Variants in AXIN2 observed in about 807,000 individuals in gnomAD.
AXIN2 encodes axin 2, also known as axin-2.
In AXIN2, 21 loss-of-function variants were observed where a neutral mutation model predicts 74.7. The ratio of observed to expected loss-of-function variants is 0.28; its 90% confidence interval spans 0.20 to 0.40. The LOEUF (loss-of-function observed/expected upper bound fraction) is 0.40, where lower values mean the gene tolerates loss of function less well. Ranked by LOEUF, AXIN2 falls within the 10% of genes least tolerant of loss-of-function variation. AXIN2 has a pLI of 1.00. For missense variants in AXIN2, 1,144 were observed against 1,111.1 expected (o/e 1.03, Z -0.42); for synonymous variants, 532 against 454.9 (o/e 1.17, Z -2.16).
chr17:65,560,636 G>A (rs1403616030), intron 1 of AXIN2: 2 of 151,990 alleles, frequency 1.3e-5, no homozygotes, highest in Non-Finnish European at 2.9e-5. Flanking sequence ...CCGCGCTGGG[G>A]AGGGGGCTCC....
chr17:65,556,935 G>A (rs747766884), intron 2 of AXIN2, among the ~76,000 whole-genome samples: 2 of 152,200 alleles, frequency 1.3e-5, no homozygotes, highest in Admixed American at 6.5e-5. Context: ...GAAGTCGGGA[G>A]GAGGGGAGAA....
At chr17:65,541,049 G>C (rs2044034094) in intron 4 of AXIN2, among the ~76,000 whole-genome samples, 1 of 152,092 alleles carries the variant, frequency 6.6e-6, no homozygotes. Flanking sequence ...GCTAATTTTT[G>C]TATTTTTAGT....
In AXIN2 at chr17:65,558,641, T is replaced by G. The variant is rs1057521426; in HGVS notation, c.-21A>C. The G allele has an allele frequency of 6.3e-7, 1 of 1,599,012 alleles. No individual in the cohort carries two copies. The highest frequency in any genetic ancestry group is 1.3e-5 in the African/African-American group (1 of 74,848). ...CTCATGGTGAGGGAGCTCTTCCCAC[T>G]GAGTCTGGGAATTTTTCTTCTTCCA... On this transcript the variant is annotated 5_prime_UTR_variant, in exon 2 of 11. Transcript: ENST00000307078.
At chr17:65,539,170 C>T (rs1016966644) in intron 4 of AXIN2, among the ~76,000 whole-genome samples, 2 of 152,048 alleles carry the variant, frequency 1.3e-5, no homozygotes, top group African/African-American at 4.8e-5. Flanking sequence ...TTCCTGTCAT[C>T]TCGCTCCCCC....
At chr17:65,538,161 AC>A (rs771831650) in intron 5 of AXIN2, 41 bp downstream of exon 5, 4 of 1,613,682 alleles carry the variant, frequency 2.5e-6, no homozygotes, top group Admixed American at 3.3e-5. Context: ...ACGAGCGCTC[AC>A]GCCGTGGACG....
chr17:65,530,526 T>C (rs764532875), intron 10 of AXIN2, among the ~76,000 whole-genome samples: 9 of 152,148 alleles, frequency 5.9e-5, no homozygotes, highest in Non-Finnish European at 1.0e-4. Flanking sequence ...CTCCAGACTA[T>C]CTCCAGGTTC....
At chr17:65,550,617 G>A (rs1273301844) in intron 2 of AXIN2, among the ~76,000 whole-genome samples, 1 of 152,152 alleles carries the variant, frequency 6.6e-6, no homozygotes, top group East Asian at 1.9e-4. Context: ...TCCTCCACTG[G>A]TCCCACCAAG....
Position 65,528,812 on chromosome 17 carries a change from T to C in AXIN2, c.*1164A>G, listed in dbSNP as rs1296967407. The C allele has an allele frequency of 2.1e-6, 1 of 476,148 alleles. No homozygotes were observed. Among genetic ancestry groups the C allele is most frequent in the South Asian group, 1.9e-5 (1 of 52,324 alleles). 29.5% of individuals were successfully genotyped at this position (476,148 alleles called of 1,614,324 possible). A position where few individuals can be genotyped will look rare whatever the true frequency, so the allele number is the denominator to read the frequency against. On this transcript the variant is annotated 3_prime_UTR_variant, in exon 11 of 11. Transcript: ENST00000307078. The stretch of plus-strand genomic sequence containing the variant: ...AATATAGGGCGACACACGGAGCGGG[T>C]GACCGTGCAGGTACAGGTACTGTAC...
At chr17:65,546,011 A>G (rs1201674304) in intron 3 of AXIN2, among the ~76,000 whole-genome samples, 1 of 151,644 alleles carries the variant, frequency 6.6e-6, no homozygotes, top group Non-Finnish European at 1.5e-5. Context: ...AACCTTCTGG[A>G]GTCTATTGAA....
intron 2 of AXIN2, among the ~76,000 whole-genome samples, chr17:65,551,954 G>A (rs1322819803): frequency 4.6e-5 from 7 of 152,172 alleles, no homozygotes; most frequent in African/African-American, 1.7e-4. Flanking sequence ...CAACACTTTT[G>A]ACCAAGTGAC....
intron 3 of AXIN2, among the ~76,000 whole-genome samples, chr17:65,548,545 A>G (rs1221393276): frequency 6.6e-6 from 1 of 152,240 alleles, no homozygotes; most frequent in Non-Finnish European, 1.5e-5. Flanking sequence ...AAAAGCTTTC[A>G]AGACCATTTC....
At chr17:65,532,383 TTGTGTCA>T (rs2043836760) in intron 10 of AXIN2, among the ~76,000 whole-genome samples, 1 of 152,156 alleles carries the variant, frequency 6.6e-6, no homozygotes, top group Admixed American at 6.5e-5. Flanking sequence ...AGGGACACAC[TTGTGTCA>T]TTAGTTTCAC....
intron 2 of AXIN2, among the ~76,000 whole-genome samples, chr17:65,551,700 C>T (rs1465079970): frequency 1.3e-5 from 2 of 152,168 alleles, no homozygotes; most frequent in Non-Finnish European, 2.9e-5. Context: ...TCACCAAACA[C>T]ACACAAAAAG....
At position 65,537,081 on chromosome 17, in the gene AXIN2, C is replaced by T. The variant is rs147664289; in HGVS notation, c.1713-18G>A. 1.6e-3 allele frequency: 2,529 copies of T among 1,597,080 alleles called. 8 individuals carry two copies. The highest frequency in any genetic ancestry group is 6.2e-3 in the Middle Eastern group (36 of 5,824). On this transcript the variant is annotated intron_variant, in intron 6 of 10. Transcript: ENST00000307078. ...TGCTGCCGCTGTGGGGAACCAAGAA[C>T]CACACCCAACCCAGAGACCCGGTTA...
chr17:65,535,782 A>G, intron 8 of AXIN2, 61 bp from the exon 9 acceptor site: 1 of 1,482,594 alleles, frequency 6.7e-7, no homozygotes, highest in Non-Finnish European at 9.4e-7. Context: ...AGCAATTGAA[A>G]AGCAGACAGA....
chr17:65,537,764 G>C lies in AXIN2; in HGVS notation c.1272C>G (p.Ser424=), dbSNP rs768259872. ...REGAPTQHPL[S]LLPSGSYEED... ...CCTCGTAGCTGCCGGAGGGCAGTAG[G>C]GAGAGGGGGTGCTGCGTGGGCGCCC... The change falls in exon 6 of 11, where the codon TCC becomes TCG. Residue 424 remains serine (S), a synonymous_variant. Coordinates refer to ENST00000307078, the MANE Select transcript of AXIN2 (RefSeq NM_004655.4). 3 of 1,584,914 alleles carry C rather than the reference G, an allele frequency of 1.9e-6. No homozygotes were observed. The Admixed American group carries it at 5.4e-5, about 28-fold the overall frequency.
At chr17:65,530,397 G>A (rs1038213344) in intron 10 of AXIN2, among the ~76,000 whole-genome samples, 1 of 152,148 alleles carries the variant, frequency 6.6e-6, no homozygotes, top group Non-Finnish European at 1.5e-5. Flanking sequence ...TATACACTGT[G>A]AAAAGCAGAG....
rs2043932180 is a variant in AXIN2 at position 65,536,909 on chromosome 17, T to C, written c.1867A>G (p.Met623Val). Residue 623 changes from methionine to valine, a missense_variant, in exon 7 of 11, where the codon ATG becomes GTG. Physicochemically the swap from Met to Val is conservative, Grantham distance 21. Around this residue, in one of 4 missense-constraint regions of AXIN2, gnomAD observed 1,053 missense variants for 973.5 expected, o/e 1.08. Coordinates refer to ENST00000307078, the MANE Select transcript of AXIN2 (RefSeq NM_004655.4). Reference protein sequence around the residue: ...GDRSQDVWQWMLESERQSKPK... With the variant: ...GDRSQDVWQWVLESERQSKPK... ...TTGCTCTGCCGCTCACTCTCCAGCA[T>C]CCACTGCCAGACATCCTGCGACCTG... is the stretch of plus-strand genomic sequence containing the variant. 1 of 1,613,620 alleles carries C rather than the reference T, an allele frequency of 6.2e-7. No homozygotes were observed. The highest frequency in any genetic ancestry group is 8.5e-7 in the Non-Finnish European group (1 of 1,179,990).
chr17:65,530,987 C>T (rs778979983), intron 10 of AXIN2, among the ~76,000 whole-genome samples: 4 of 152,166 alleles, frequency 2.6e-5, no homozygotes, highest in South Asian at 2.1e-4. Flanking sequence ...AAACCCCTTC[C>T]GAGGAAATTA....
Sources: allele counts gnomAD v4.1 joint callset (sites outside exome capture counted in the v4.1 genomes callset), GRCh38; gene constraint gnomAD v4.1.1; regional missense constraint gnomAD v4.1.1; transcripts MANE v1.5; gene names NCBI Gene and HGNC (gene_info 2026-07-23, HGNC 2026-07-21).